PTPRO: variants seen among roughly 807,000 people sequenced by gnomAD.
PTPRO encodes protein tyrosine phosphatase receptor type O.
PTPRO carries 62 observed loss-of-function variants against 145.2 expected under a neutral mutation model. That is an observed-to-expected ratio of 0.43 (90% CI 0.35 to 0.53). The LOEUF (loss-of-function observed/expected upper bound fraction) is 0.53, where lower values mean the gene tolerates loss of function less well. Ranked by LOEUF, PTPRO falls within the 20% of genes least tolerant of loss-of-function variation. The probability of loss-of-function intolerance (pLI) is 0.01; values close to 1 mark genes in which losing one functional copy is unlikely to be tolerated. For missense variants in PTPRO, 1,345 were observed against 1,482.7 expected (o/e 0.91, Z 1.53); for synonymous variants, 565 against 514.7 (o/e 1.10, Z -1.32).
chr12:15,570,084 C>T (rs140448476), intron 19 of PTPRO, among the ~76,000 whole-genome samples: 190 of 152,020 alleles, frequency 1.2e-3, no homozygotes, highest in African/African-American at 4.3e-3. Flanking sequence ...TCTTTTTTTC[C>T]GAAGGACACA....
chr12:15,420,148 G>GAAAAA (rs35302259), intron 1 of PTPRO, among the ~76,000 whole-genome samples: 4 of 81,704 alleles, frequency 4.9e-5, no homozygotes, highest in South Asian at 4.8e-4. Context: ...CTCCGACTCA[G>GAAAAA]AAAAAAAAAA....
intron 12 of PTPRO, among the ~76,000 whole-genome samples, chr12:15,532,751 C>A (rs942981700): frequency 1.3e-5 from 2 of 152,154 alleles, no homozygotes; most frequent in Admixed American, 6.6e-5. Context: ...CTACCAATTC[C>A]AGCCATTATC....
intron 7 of PTPRO, among the ~76,000 whole-genome samples, chr12:15,515,080 A>G (rs1942548263): frequency 6.6e-6 from 1 of 152,098 alleles, no homozygotes. Context: ...TTTCATTTCT[A>G]TAATTAGATA....
chr12:15,333,952 TTTAC>T (rs1358733023), intron 1 of PTPRO, among the ~76,000 whole-genome samples: 4 of 152,218 alleles, frequency 2.6e-5, no homozygotes, highest in Admixed American at 2.0e-4. Flanking sequence ...GTGCCTATAA[TTTAC>T]TTACTTATAA....
intron 1 of PTPRO, among the ~76,000 whole-genome samples, chr12:15,359,228 G>A (rs553382410): frequency 6.0e-4 from 92 of 152,130 alleles, no homozygotes; most frequent in Non-Finnish European, 8.7e-4. Context: ...TTTGGGGGAG[G>A]AGGGGTAATT....
Position 15,549,238 on chromosome 12 carries a change from C to T in PTPRO, c.2437+12C>T, listed in dbSNP as rs1285415865. 3 of 1,573,528 alleles carry T rather than the reference C, an allele frequency of 1.9e-6. No individual in the cohort carries two copies. Among genetic ancestry groups the T allele is most frequent in the African/African-American group, 2.9e-5 (2 of 68,682 alleles). ...CGTCTCAACAATGGGTAATTATACA[C>T]ATTAGTGTATAATTTTCTCACTTTT... On this transcript the variant is annotated intron_variant, in intron 14 of 26. Transcript: ENST00000281171.
chr12:15,591,268 G>A (rs1434153525), intron 25 of PTPRO, among the ~76,000 whole-genome samples: 1 of 152,116 alleles, frequency 6.6e-6, no homozygotes, highest in Non-Finnish European at 1.5e-5. Flanking sequence ...CTACTCGGGA[G>A]GCTGAGGCAA....
Position 15,470,484 on chromosome 12 carries a change from C to G in PTPRO, c.76-13490C>G, listed in dbSNP as rs964869069. On this transcript the variant is annotated intron_variant, in intron 1 of 26. Coordinates refer to ENST00000281171, the MANE Select transcript of PTPRO (RefSeq NM_030667.3). ...TATTACCCTACATATCACATAAAAT[C>G]TTGGCACTTCTTTTTGGCAGAACAA... is the stretch of plus-strand genomic sequence containing the variant. 3.3e-5 allele frequency among the ~76,000 whole-genome samples: 5 copies of G among 151,642 alleles called. 1 individual carries two copies. The highest frequency in any genetic ancestry group is 6.3e-3 in the Middle Eastern group (2 of 316).
At position 15,322,911 on chromosome 12, in the gene PTPRO, C is replaced by A; in HGVS notation, c.75+110C>A. ...GCGCCCCAGGGCACGATGGCCCAGC[C>A]GCGGGAAGCGCCTGCCGTGCAGCCT... On this transcript the variant is annotated intron_variant, in intron 1 of 26. Transcript: ENST00000281171. The surrounding 1 kb of genome is among the most constrained non-coding windows in gnomAD (Gnocchi z 6.3). The A allele has an allele frequency of 9.4e-7, 1 of 1,065,146 alleles. No individual in the cohort carries two copies. Among genetic ancestry groups the A allele is most frequent in the Non-Finnish European group, 1.4e-6 (1 of 736,464 alleles). 66.0% of individuals were successfully genotyped at this position (1,065,146 alleles called of 1,614,324 possible).
chr12:15,553,977 C>T (rs1367728360), intron 15 of PTPRO, among the ~76,000 whole-genome samples: 1 of 152,142 alleles, frequency 6.6e-6, no homozygotes, highest in Non-Finnish European at 1.5e-5. Context: ...GGTGGATCAC[C>T]TGAAGTCGGG....
At chr12:15,413,958 A>C (rs887635056) in intron 1 of PTPRO, among the ~76,000 whole-genome samples, 9 of 152,226 alleles carry the variant, frequency 5.9e-5, no homozygotes, top group Admixed American at 2.0e-4. Context: ...ATATATTGAA[A>C]ACTGAAGTTT....
At chr12:15,500,068 T>C (rs1280459875) in intron 4 of PTPRO, among the ~76,000 whole-genome samples, 1 of 136,464 alleles carries the variant, frequency 7.3e-6, no homozygotes, top group Non-Finnish European at 1.6e-5. Context: ...CATGGATGGA[T>C]GGATAGATGG....
chr12:15,590,692 A>G (rs1439624677), intron 25 of PTPRO, among the ~76,000 whole-genome samples: 4 of 152,252 alleles, frequency 2.6e-5, no homozygotes, highest in African/African-American at 7.2e-5. Flanking sequence ...CAGCAGGATC[A>G]TACCACTTGG....
chr12:15,510,497 G>A (rs1017228668), intron 7 of PTPRO, among the ~76,000 whole-genome samples: 1 of 152,040 alleles, frequency 6.6e-6, no homozygotes, highest in Non-Finnish European at 1.5e-5. Context: ...TTTCACATAA[G>A]AATAAAAAGG....
chr12:15,473,626 G>A lies in PTPRO; in HGVS notation c.76-10348G>A, dbSNP rs147649264. ...ACTAAAAAGTACAAAAATTAGCCAGGCGTTGTGGTGGGCACCTGTAATCCC... is the reference window on the plus strand; with the variant it reads ...ACTAAAAAGTACAAAAATTAGCCAGACGTTGTGGTGGGCACCTGTAATCCC... On this transcript the variant is annotated intron_variant, in intron 1 of 26. Coordinates refer to ENST00000281171, the MANE Select transcript of PTPRO (RefSeq NM_030667.3). Among the ~76,000 whole-genome samples the A allele has an allele frequency of 7.5e-3, 1,136 of 152,000 alleles. 68 individuals are homozygous for A. The highest frequency in any genetic ancestry group is 0.068 in the Admixed American group (1,044 of 15,242).
intron 14 of PTPRO, 105 bp from the exon 15 acceptor site, chr12:15,551,446 C>T (rs952125179): frequency 8.0e-6 from 11 of 1,378,086 alleles, no homozygotes; most frequent in Non-Finnish European, 1.1e-5. Context: ...TTATTGGTAT[C>T]ATCGTAAGCT....
chr12:15,428,597 C>A (rs1193808218), intron 1 of PTPRO, among the ~76,000 whole-genome samples: 1 of 151,982 alleles, frequency 6.6e-6, no homozygotes, highest in East Asian at 1.9e-4. Flanking sequence ...ATCAAGAAAT[C>A]TAAAGATGGA....
chr12:15,352,289 AG>A (rs1314947669), intron 1 of PTPRO, among the ~76,000 whole-genome samples: 2 of 152,198 alleles, frequency 1.3e-5, no homozygotes, highest in Non-Finnish European at 2.9e-5. Flanking sequence ...ATTGGTAGCC[AG>A]GAAGGCACTA....
chr12:15,555,544 G>A (rs1443419213), intron 15 of PTPRO, among the ~76,000 whole-genome samples: 1 of 152,106 alleles, frequency 6.6e-6, no homozygotes, highest in Non-Finnish European at 1.5e-5. Context: ...ATAACATAGC[G>A]TAATACTCAA....
Sources: allele counts gnomAD v4.1 joint callset (sites outside exome capture counted in the v4.1 genomes callset), GRCh38; gene constraint gnomAD v4.1.1; non-coding constraint Gnocchi (gnomAD v3.1); transcripts MANE v1.5; gene names NCBI Gene and HGNC (gene_info 2026-07-23, HGNC 2026-07-21).